The following JMJD1C variants were observed in gnomAD, a reference collection of about 807,000 sequenced individuals.
The protein encoded by JMJD1C is jumonji domain containing 1C.
Under a neutral mutation model 245.3 loss-of-function variants are expected in JMJD1C, and 31 were observed. That is an observed-to-expected ratio of 0.13 (90% confidence interval 0.09 to 0.17). JMJD1C has a LOEUF of 0.17. Among genes scored for constraint, JMJD1C ranks in the 10% least tolerant of loss-of-function variants. The pLI, the probability that JMJD1C is intolerant of heterozygous loss-of-function variation, is 1.00. For missense variants in JMJD1C, 2,691 were observed against 3,000.2 expected (o/e 0.90, Z 2.41); for synonymous variants, 1,057 against 1,017.4 (o/e 1.04, Z -0.74).
At chr10:63,465,180 C>T in intron 1 of JMJD1C, 1 of 353,142 alleles carries the variant, frequency 2.8e-6, no homozygotes, top group Non-Finnish European at 5.1e-6. Flanking sequence ...GCGGCTCCGC[C>T]TTTCGGGGAG....
At chr10:63,378,111 AAAAAG>A (rs945771248) in intron 2 of JMJD1C, among the ~76,000 whole-genome samples, 5 of 151,974 alleles carry the variant, frequency 3.3e-5, no homozygotes, top group East Asian at 3.9e-4. Flanking sequence ...TGATAAAGTT[AAAAAG>A]AAAAGGTTGG....
intron 2 of JMJD1C, among the ~76,000 whole-genome samples, chr10:63,373,856 G>A (rs894076320): frequency 2.0e-5 from 3 of 151,944 alleles, no homozygotes; most frequent in Non-Finnish European, 4.4e-5. Context: ...GAACAAAAAA[G>A]GAAACAATAA....
chr10:63,426,726 T>A (rs925135994), intron 1 of JMJD1C, among the ~76,000 whole-genome samples: 1 of 152,144 alleles, frequency 6.6e-6, no homozygotes, highest in African/African-American at 2.4e-5. Flanking sequence ...ACTATCCTTA[T>A]GAAAATCTCA....
intron 1 of JMJD1C, among the ~76,000 whole-genome samples, chr10:63,478,867 G>C (rs1375554584): frequency 3.3e-5 from 5 of 152,140 alleles, no homozygotes; most frequent in African/African-American, 9.7e-5. Context: ...TTGTGAAGCT[G>C]AGGCTGGAGG....
intron 1 of JMJD1C, among the ~76,000 whole-genome samples, chr10:63,413,767 T>A (rs1281080982): frequency 2.6e-5 from 4 of 152,192 alleles, no homozygotes; most frequent in African/African-American, 7.2e-5. Flanking sequence ...CAATTCAGAT[T>A]ATAAGCTGAA....
At chr10:63,305,191 A>G (rs1278554828) in intron 2 of JMJD1C, among the ~76,000 whole-genome samples, 2 of 151,572 alleles carry the variant, frequency 1.3e-5, no homozygotes, top group African/African-American at 2.4e-5. Flanking sequence ...ACATGGTGAA[A>G]CCCCGTCTCT....
At position 63,192,971 on chromosome 10, in the gene JMJD1C, G is replaced by A. The variant is rs991159102; in HGVS notation, c.6043C>T (p.Leu2015Phe). ...SQSPLHWLAD[L>F]AEQKAREEKK... ...TCCTCTCTGGCTTTTTGCTCTGCAA[G>A]ATCTGCTAACCAGTGCAGTGGTGAC... Residue 2015 changes from leucine to phenylalanine, a missense_variant, in exon 16 of 26, where the codon CTT becomes TTT. Leu to Phe is a conservative substitution (Grantham distance 22). Around this residue, in one of 9 missense-constraint regions of JMJD1C, gnomAD observed 275 missense variants for 285.5 expected, o/e 0.96. Transcript: ENST00000399262. The A allele has an allele frequency of 1.7e-5, 27 of 1,613,804 alleles. No homozygotes were observed. Among genetic ancestry groups the A allele is most frequent in the Non-Finnish European group, 2.3e-5 (27 of 1,179,954 alleles).
intron 1 of JMJD1C, among the ~76,000 whole-genome samples, chr10:63,430,989 T>A (rs1352039962): frequency 1.3e-5 from 2 of 152,174 alleles, no homozygotes; most frequent in Non-Finnish European, 2.9e-5. Context: ...TCCCAAAGTG[T>A]TAGGAGTATA....
chr10:63,510,583 TTTG>T (rs1954845051), intron 1 of JMJD1C, among the ~76,000 whole-genome samples: 1 of 152,208 alleles, frequency 6.6e-6, no homozygotes, highest in South Asian at 2.1e-4. Flanking sequence ...TGATCTCTAG[TTTG>T]TTAAGGTTTG....
intron 3 of JMJD1C, among the ~76,000 whole-genome samples, chr10:63,248,532 A>AG (rs55633578): frequency 0.18 from 24,517 of 139,950 alleles, 2,652 homozygotes; most frequent in Non-Finnish European, 0.25. Flanking sequence ...ATAGATAGAT[A>AG]AATAAATAAA....
Position 63,213,766 on chromosome 10 carries a change from G to A in JMJD1C, c.2401C>T (p.Pro801Ser), listed in dbSNP as rs771784124. The A allele has an allele frequency of 2.5e-6, 4 of 1,614,028 alleles. No individual in the cohort carries two copies. The East Asian group carries it at 8.9e-5, about 36-fold the overall frequency. ...HHPHLLPTVLPGVPTASLLGG... is the reference protein window; with the variant it reads ...HHPHLLPTVLSGVPTASLLGG... ...AGTAAGGAGGCAGTAGGCACTCCAG[G>A]TAACACAGTGGGAAGTAAATGAGGG... Residue 801 changes from proline (P) to serine (S), a missense_variant, in exon 8 of 26, where the codon CCT (proline) becomes TCT (serine). Around this residue, in one of 9 missense-constraint regions of JMJD1C, gnomAD observed 1,562 missense variants for 1,490.7 expected, o/e 1.05. Transcript: ENST00000399262.
chr10:63,478,805 C>T (rs1953739938), intron 1 of JMJD1C, among the ~76,000 whole-genome samples: 1 of 152,120 alleles, frequency 6.6e-6, no homozygotes, highest in East Asian at 1.9e-4. Context: ...TCTCCAGACC[C>T]CCCAGAGGTC....
chr10:63,427,278 GC>G, intron 1 of JMJD1C: 1 of 328,986 alleles, frequency 3.0e-6, no homozygotes. Flanking sequence ...GAACTCTGGA[GC>G]CCACTCCAGC....
chr10:63,462,164 G>C (rs895386418), intron 1 of JMJD1C, among the ~76,000 whole-genome samples: 8 of 152,152 alleles, frequency 5.3e-5, no homozygotes, highest in Non-Finnish European at 1.2e-4. Context: ...CATAAAAAAG[G>C]CTTAGATATT....
intron 2 of JMJD1C, among the ~76,000 whole-genome samples, chr10:63,320,983 T>C (rs1021263547): frequency 6.6e-6 from 1 of 152,172 alleles, no homozygotes; most frequent in South Asian, 2.1e-4. Context: ...TGATCAACAA[T>C]GGCCAATTAT....
chr10:63,242,306 C>T (rs1223178006), intron 3 of JMJD1C, among the ~76,000 whole-genome samples: 2 of 152,194 alleles, frequency 1.3e-5, no homozygotes, highest in Non-Finnish European at 2.9e-5. Context: ...ATTATCTGGG[C>T]ACTTGAAATG....
At chr10:63,193,858 G>A (rs557887242) in intron 14 of JMJD1C, among the ~76,000 whole-genome samples, 2 of 152,080 alleles carry the variant, frequency 1.3e-5, no homozygotes, top group African/African-American at 2.4e-5. Flanking sequence ...AGTAGAAACG[G>A]GGTTTCACTG....
intron 2 of JMJD1C, among the ~76,000 whole-genome samples, chr10:63,300,275 A>C (rs935272532): frequency 6.6e-6 from 1 of 152,202 alleles, no homozygotes; most frequent in Non-Finnish European, 1.5e-5. Flanking sequence ...GTGACAAACT[A>C]TCCTCCCATA....
chr10:63,319,771 C>A (rs764232371), intron 2 of JMJD1C, among the ~76,000 whole-genome samples: 2 of 151,934 alleles, frequency 1.3e-5, no homozygotes, highest in African/African-American at 2.4e-5. Flanking sequence ...TGTTTGTTTG[C>A]TTGTTTTCTC....
Sources: allele counts gnomAD v4.1 joint callset (sites outside exome capture counted in the v4.1 genomes callset), GRCh38; gene constraint gnomAD v4.1.1; regional missense constraint gnomAD v4.1.1; transcripts MANE v1.5; gene names NCBI Gene and HGNC (gene_info 2026-07-23, HGNC 2026-07-21).